The following DGKZ variants were observed in gnomAD, a reference collection of about 807,000 sequenced individuals.
The protein encoded by DGKZ is diacylglycerol kinase zeta.
A neutral mutation model predicts 142.5 loss-of-function variants in DGKZ; 45 were observed. The ratio of observed to expected loss-of-function variants is 0.32; its 90% confidence interval spans 0.25 to 0.40. The LOEUF (loss-of-function observed/expected upper bound fraction) is 0.40, where lower values mean the gene tolerates loss of function less well. Among genes scored for constraint, DGKZ ranks in the 10% least tolerant of loss-of-function variants. The pLI, the probability that DGKZ is intolerant of heterozygous loss-of-function variation, is 1.00. For missense variants in DGKZ, 755 were observed against 1,306.5 expected, an observed-to-expected ratio of 0.58 and a Z score of 6.51; for synonymous variants, 442 against 527.0, an observed-to-expected ratio of 0.84 and a Z score of 2.21.
chr11:46,333,519 C>G, intron 1 of DGKZ: 2 of 1,526,724 alleles, frequency 1.3e-6, no homozygotes, highest in Non-Finnish European at 1.8e-6. Context: ...GGGAGCGCGG[C>G]GCTTGGGACC....
chr11:46,336,387 T>C (rs1447851464), intron 1 of DGKZ, among the ~76,000 whole-genome samples: 2 of 152,138 alleles, frequency 1.3e-5, no homozygotes, highest in East Asian at 3.9e-4. Context: ...CAATGGGGTA[T>C]GTCCTTGTTT....
Position 46,379,255 on chromosome 11 carries a change from C to T in DGKZ, c.2573+19C>T. On this transcript the variant is annotated intron_variant, in intron 29 of 30. Transcript: ENST00000527911. ...AGGAAAAGTAAGTATCTGGGCAGTG[C>T]AGAACCGTGGTCACCCCGGAAACCA... 1 of 1,613,154 alleles carries T rather than the reference C, an allele frequency of 6.2e-7. No individual in the cohort carries two copies. Among genetic ancestry groups the T allele is most frequent in the Non-Finnish European group, 8.5e-7 (1 of 1,179,910 alleles).
At chr11:46,366,740 GCCT>G (rs1412508024) in intron 1 of DGKZ, 14 of 1,552,094 alleles carry the variant, frequency 9.0e-6, no homozygotes, top group Non-Finnish European at 1.2e-5. Context: ...CCTGCGCCGA[GCCT>G]CCTCCCACCT....
upstream of DGKZ, among the ~76,000 whole-genome samples, chr11:46,344,784 A>C (rs1709960111): frequency 6.6e-6 from 1 of 152,118 alleles, no homozygotes; most frequent in Admixed American, 6.5e-5. Flanking sequence ...GAGAAAACTG[A>C]GGCTCAGAAA....
rs1013358408 is a variant in DGKZ, at chr11:46,367,756, T to G, written c.366+9T>G. 1 of 1,612,898 alleles carries G rather than the reference T, an allele frequency of 6.2e-7. No homozygotes were observed. Among genetic ancestry groups the G allele is most frequent in the South Asian group, 1.1e-5 (1 of 91,046 alleles). On this transcript the variant is annotated intron_variant, in intron 3 of 30. Transcript: ENST00000527911. The surrounding 1 kb of genome is among the most constrained non-coding windows in gnomAD (Gnocchi z 4.1). The stretch of plus-strand genomic sequence containing the variant: ...GTGTAGCCAGGATGCTGGTGAGTGC[T>G]CGTAGGGGCACGCCGCCCCCTGCTG...
chr11:46,351,996 G>A lies in DGKZ; in HGVS notation c.161+4176G>A, dbSNP rs372949782. Reference sequence around the variant, plus strand: ...TGAGAGTTGGTGTCCCCTCAGGCAAGGACAGAGGAAGGACTAAGTGACCCC... The same window carrying A: ...TGAGAGTTGGTGTCCCCTCAGGCAAAGACAGAGGAAGGACTAAGTGACCCC... On this transcript the variant is annotated intron_variant, in intron 1 of 30. Coordinates refer to ENST00000527911, the Ensembl canonical transcript of DGKZ. Among the ~76,000 whole-genome samples, 10 of 152,338 alleles carry A rather than the reference G, an allele frequency of 6.6e-5. No individual in the cohort carries two copies. The South Asian group carries it at 2.1e-3, about 32-fold the overall frequency.
chr11:46,376,715 C>A, intron 24 of DGKZ, 151 bp downstream of exon 24: 2 of 1,050,488 alleles, frequency 1.9e-6, no homozygotes, highest in Non-Finnish European at 2.8e-6. Context: ...GCATGGACAG[C>A]GTGCGGCCCT....
In DGKZ at chr11:46,377,392, T is replaced by C. The variant is rs546584271; in HGVS notation, c.2342+180T>C. On this transcript the variant is annotated intron_variant, in intron 25 of 30. Coordinates refer to ENST00000527911, the Ensembl canonical transcript of DGKZ. Reference sequence around the variant, plus strand: ...GGTTCTGTGGGGAAGCGGCCTCACGTCCACCCTGGTTCCCTCCCTGACTTC... The same window carrying C: ...GGTTCTGTGGGGAAGCGGCCTCACGCCCACCCTGGTTCCCTCCCTGACTTC... 10 of 1,195,900 alleles carry C rather than the reference T, an allele frequency of 8.4e-6. No homozygotes were observed. In the South Asian group the frequency reaches 1.4e-4, roughly 17 times the overall value. The allele number at this position is 1,195,900 out of a possible 1,614,324, so 74.1% of individuals were successfully genotyped here.
chr11:46,375,081 C>G, intron 19 of DGKZ, 36 bp downstream of exon 19: 2 of 1,536,170 alleles, frequency 1.3e-6, no homozygotes, highest in Non-Finnish European at 1.7e-6. Context: ...CCTGGGAGCA[C>G]AGCCCAAAGG....
intron 1 of DGKZ, among the ~76,000 whole-genome samples, chr11:46,351,774 C>T (rs1941419600): frequency 6.6e-6 from 1 of 152,218 alleles, no homozygotes; most frequent in Non-Finnish European, 1.5e-5. Flanking sequence ...GTTTGCTCCC[C>T]ACACAAGGTC....
intron 1 of DGKZ, chr11:46,364,363 T>C (rs1313819458): frequency 5.4e-6 from 7 of 1,288,954 alleles, no homozygotes; most frequent in Non-Finnish European, 7.1e-6. Context: ...GCCTGACACA[T>C]AGGGGCTCAG....
rs1449781865 is a variant in DGKZ, at chr11:46,374,459, G to C, written c.1461+5G>C. 6.2e-7 allele frequency: 1 copy of C among 1,613,850 alleles called. No individual in the cohort carries two copies. The highest frequency in any genetic ancestry group is 1.3e-5 in the African/African-American group (1 of 74,926). On this transcript the variant is annotated splice_donor_5th_base_variant and intron_variant, in intron 16 of 30. Coordinates refer to ENST00000527911, the Ensembl canonical transcript of DGKZ. ...AATAAGATGTTCTACGCCGGGGTGA[G>C]TGGGGTCTGCACCCCCGCCTGTGCC...
At chr11:46,345,839 C>CA (rs1342104997), upstream of DGKZ, among the ~76,000 whole-genome samples, 1 of 152,138 alleles carries the variant, frequency 6.6e-6, no homozygotes, top group Admixed American at 6.5e-5. This position sits in a 1 kb window ranked among gnomAD's most constrained non-coding sequence, Gnocchi z 4.1. Flanking sequence ...GAGGAGCCCC[C>CA]CCAGGAGTGT....
At chr11:46,378,854 G>A in intron 27 of DGKZ, 137 bp from the exon 28 acceptor site, 1 of 1,369,054 alleles carries the variant, frequency 7.3e-7, no homozygotes, top group Admixed American at 2.5e-5. Context: ...GACCCACAGA[G>A]GCAACTCAGG....
chr11:46,377,906 T>A, intron 25 of DGKZ: 2 of 470,776 alleles, frequency 4.2e-6, no homozygotes, highest in East Asian at 4.2e-5. Flanking sequence ...CAGGACCCCC[T>A]CTGCAGGGGT....
chr11:46,349,932 G>T (rs2136401112), intron 1 of DGKZ, among the ~76,000 whole-genome samples: 1 of 152,308 alleles, frequency 6.6e-6, no homozygotes, highest in Admixed American at 6.5e-5. Flanking sequence ...CAGGTCTGGA[G>T]GTGGGGCCTG....
Position 46,367,937 on chromosome 11 carries a change from G to C in DGKZ, c.367-65G>C. 1.3e-6 allele frequency: 2 copies of C among 1,582,228 alleles called. No individual in the cohort carries two copies. The highest frequency in any genetic ancestry group is 1.7e-4 in the Middle Eastern group (1 of 5,998). Reference sequence around the variant, plus strand: ...AGTGCACACAAAGGGCAGCTGTGCTGGGGCAGGCAGCCTCCGAGATAGACT... The same window carrying C: ...AGTGCACACAAAGGGCAGCTGTGCTCGGGCAGGCAGCCTCCGAGATAGACT... On this transcript the variant is annotated intron_variant, in intron 3 of 30. Transcript: ENST00000527911. This position sits in a 1 kb window ranked among gnomAD's most constrained non-coding sequence, Gnocchi z 4.1.
intron 1 of DGKZ, among the ~76,000 whole-genome samples, chr11:46,352,152 G>T (rs746279597): frequency 1.3e-5 from 2 of 152,254 alleles, no homozygotes; most frequent in Admixed American, 6.5e-5. Flanking sequence ...GGTGAAAGTG[G>T]AGTCATAGGT....
rs1406470484 is a variant in DGKZ, at chr11:46,367,716, T to C, written c.335T>C (p.Val112Ala). ...AACGTGTCCGGGGACTTCTGCTACG[T>C]TGGGGAGCAGTACTGTGTAGCCAGG... The change falls in exon 3 of 31, where the codon GTT (valine) becomes GCT (alanine). Residue 112 changes from valine to alanine, a missense_variant. Coordinates refer to ENST00000527911, the Ensembl canonical transcript of DGKZ. The surrounding 1 kb of genome is among the most constrained non-coding windows in gnomAD (Gnocchi z 4.1). 9 of 1,612,600 alleles carry C rather than the reference T, an allele frequency of 5.6e-6. No individual in the cohort carries two copies. The highest frequency in any genetic ancestry group is 7.6e-6 in the Non-Finnish European group (9 of 1,179,690).
Sources: allele counts gnomAD v4.1 joint callset (sites outside exome capture counted in the v4.1 genomes callset), GRCh38; gene constraint gnomAD v4.1.1; non-coding constraint Gnocchi (gnomAD v3.1); transcripts MANE v1.5; gene names NCBI Gene and HGNC (gene_info 2026-07-23, HGNC 2026-07-21).